The following CDC14B variants were observed in gnomAD, a reference collection of about 807,000 sequenced individuals.
CDC14B encodes cell division cycle 14B, also known as dual specificity protein phosphatase CDC14B.
In CDC14B, 22 loss-of-function variants were observed where a neutral mutation model predicts 64.2. The observed-to-expected ratio is 0.34, with a 90% CI of 0.24 to 0.49. The LOEUF is 0.49. Among genes scored for constraint, CDC14B ranks in the 20% least tolerant of loss-of-function variants. CDC14B has a pLI of 0.99. For synonymous variants in CDC14B, 191 were observed against 215.8 expected, an observed-to-expected ratio of 0.89 and a Z score of 1.01; for missense variants, 498 against 629.9, an observed-to-expected ratio of 0.79 and a Z score of 2.24.
At chr9:96,618,320 C>A (rs556917727) in intron 1 of CDC14B, among the ~76,000 whole-genome samples, 1 of 152,344 alleles carries the variant, frequency 6.6e-6, no homozygotes, top group East Asian at 1.9e-4. Context: ...CCCTCAAAAT[C>A]GTGGACAGCT....
intron 1 of CDC14B, chr9:96,618,692 G>A (rs1025114012): frequency 2.2e-6 from 1 of 461,752 alleles, no homozygotes; most frequent in Admixed American, 2.5e-5. Context: ...CTTACGCGCC[G>A]GACGGGCAAC....
chr9:96,619,321 G>A lies in CDC14B; in HGVS notation c.58C>T (p.Arg20Cys), dbSNP rs1847836968. Residue 20 changes from arginine to cysteine, a missense_variant, in exon 1 of 14, where the codon CGC becomes TGC. Transcript: ENST00000375241. ...SWAAAPPCSR[R>C]CSSTSPGVKK... The stretch of plus-strand genomic sequence containing the variant: ...ACACCCGGCGAGGTCGACGAGCAGC[G>A]CCGCGAGCAGGGGGGCGCGGCGGCC... 1 of 1,297,636 alleles carries A rather than the reference G, an allele frequency of 7.7e-7. No individual in the cohort carries two copies. Among genetic ancestry groups the A allele is most frequent in the South Asian group, 2.9e-5 (1 of 34,150 alleles). The allele number at this position is 1,297,636 out of a possible 1,614,324, so 80.4% of individuals were successfully genotyped here.
intron 1 of CDC14B, among the ~76,000 whole-genome samples, chr9:96,599,232 T>G (rs1429517167): frequency 6.6e-6 from 1 of 151,990 alleles, no homozygotes; most frequent in Non-Finnish European, 1.5e-5. Flanking sequence ...ATACAAAAAA[T>G]TAGCCAGGCA....
At chr9:96,614,348 T>C (rs1380170091) in intron 1 of CDC14B, among the ~76,000 whole-genome samples, 1 of 151,936 alleles carries the variant, frequency 6.6e-6, no homozygotes, top group Non-Finnish European at 1.5e-5. Flanking sequence ...CTCAAGTGAT[T>C]CTCCCACCTC....
intron 1 of CDC14B, chr9:96,566,924 C>T (rs1358744512): frequency 6.6e-7 from 1 of 1,525,194 alleles, no homozygotes; most frequent in East Asian, 2.5e-5. Flanking sequence ...TTTAAAGGGC[C>T]GCGCGGGGCA....
chr9:96,598,347 G>GT (rs941284518), intron 1 of CDC14B, among the ~76,000 whole-genome samples: 27 of 152,028 alleles, frequency 1.8e-4, no homozygotes, highest in African/African-American at 6.5e-4. Flanking sequence ...TTTGTTTTTT[G>GT]TTTTTTTGAG....
At position 96,523,377 on chromosome 9, in the gene CDC14B, T is replaced by C. The variant is rs746901783; in HGVS notation, c.1129A>G (p.Lys377Glu). 12 of 1,614,168 alleles carry C rather than the reference T, an allele frequency of 7.4e-6. No individual in the cohort carries two copies. The South Asian group carries it at 1.3e-4, about 18-fold the overall frequency. The change falls in exon 11 of 14, where the codon AAG becomes GAG. Residue 377 changes from lysine to glutamate, a missense_variant. Transcript: ENST00000375241. Reference protein sequence around the residue: ...LWLEGDYFRQKLKGQENGQHR... With the variant: ...LWLEGDYFRQELKGQENGQHR... ...TGTCCATTCTCCTGCCCCTTTAACTTCTGACGAAAATAGTCCCCTTCCAGC... is the reference window on the plus strand; with the variant it reads ...TGTCCATTCTCCTGCCCCTTTAACTCCTGACGAAAATAGTCCCCTTCCAGC...
At chr9:96,506,945 A>G (rs1047634491) in intron 13 of CDC14B, among the ~76,000 whole-genome samples, 1 of 152,230 alleles carries the variant, frequency 6.6e-6, no homozygotes, top group African/African-American at 2.4e-5. Flanking sequence ...TAAAAAGCAT[A>G]ATCTAAAAAA....
At position 96,502,619 on chromosome 9, in the gene CDC14B, C is replaced by T. The variant is rs770733243; in HGVS notation, c.*1134G>A. The T allele has an allele frequency of 1.5e-4, 49 of 322,572 alleles. No individual in the cohort carries two copies. The Middle Eastern group carries it at 2.4e-3, about 16-fold the overall frequency. The allele number at this position is 322,572 out of a possible 1,614,324, so 20.0% of individuals were successfully genotyped here. ...ATTTTTTTTTTTTTTTTTAGCAGCACATCAATTCTGTTTCTGTAACTGCTT... is the reference window on the plus strand; with the variant it reads ...ATTTTTTTTTTTTTTTTTAGCAGCATATCAATTCTGTTTCTGTAACTGCTT... On this transcript the variant is annotated 3_prime_UTR_variant, in exon 14 of 14. Coordinates refer to ENST00000375241, the MANE Select transcript of CDC14B (RefSeq NM_033331.4).
At chr9:96,514,204 GT>G (rs1260991822) in intron 12 of CDC14B, among the ~76,000 whole-genome samples, 2 of 152,166 alleles carry the variant, frequency 1.3e-5, no homozygotes, top group Admixed American at 1.3e-4. Context: ...TAGAGACCAT[GT>G]TTAAACTTAC....
At chr9:96,596,132 G>C (rs573877350) in intron 1 of CDC14B, among the ~76,000 whole-genome samples, 13 of 152,198 alleles carry the variant, frequency 8.5e-5, no homozygotes, top group African/African-American at 2.6e-4. Context: ...GGGAGGCTGA[G>C]GGGGGCAGAT....
intron 13 of CDC14B, among the ~76,000 whole-genome samples, chr9:96,508,698 T>TG (rs769808145): frequency 3.3e-5 from 5 of 152,136 alleles, no homozygotes; most frequent in Non-Finnish European, 5.9e-5. Flanking sequence ...AGAGGAGACA[T>TG]GGCAGAGCTG....
chr9:96,509,858 G>T, intron 12 of CDC14B, 69 bp from the exon 13 acceptor site: 1 of 991,586 alleles, frequency 1.0e-6, no homozygotes, highest in Non-Finnish European at 1.5e-6. Context: ...ACAGAGGAAA[G>T]TATTTTTGCA....
At chr9:96,527,127 C>T (rs959960305) in intron 9 of CDC14B, among the ~76,000 whole-genome samples, 6 of 152,192 alleles carry the variant, frequency 3.9e-5, no homozygotes, top group South Asian at 2.1e-4. Context: ...GTATTGGGGC[C>T]GGGTGCGGTG....
chr9:96,534,822 T>C (rs1839046717), intron 7 of CDC14B, among the ~76,000 whole-genome samples: 1 of 152,180 alleles, frequency 6.6e-6, no homozygotes, highest in African/African-American at 2.4e-5. Flanking sequence ...ATATACTATT[T>C]GGTTATTTTA....
chr9:96,493,655 C>G (rs1332029908), intron 13 of CDC14B, among the ~76,000 whole-genome samples: 1 of 152,098 alleles, frequency 6.6e-6, no homozygotes, highest in Non-Finnish European at 1.5e-5. Flanking sequence ...CACAGTAAGA[C>G]CATGTCTCTA....
rs778444829 is a variant in CDC14B, at chr9:96,523,357, A to G, written c.1149T>C (p.Asn383=). Residue 383 remains asparagine, a synonymous_variant, in exon 11 of 14, where the codon AAT becomes AAC. Coordinates refer to ENST00000375241, the MANE Select transcript of CDC14B (RefSeq NM_033331.4). ...YFRQKLKGQE[N]GQHRAAFSKL... ...TGGAGAAGGCTGCTCTGTGTTGTCC[A>G]TTCTCCTGCCCCTTTAACTTCTGAC... The G allele has an allele frequency of 1.4e-4, 227 of 1,614,024 alleles. 1 individual carries two copies. The highest frequency in any genetic ancestry group is 1.9e-5 in the Non-Finnish European group (23 of 1,180,014).
chr9:96,508,529 A>C (rs77895291), intron 13 of CDC14B, among the ~76,000 whole-genome samples: 2,009 of 152,352 alleles, frequency 0.013, 43 homozygotes, highest in African/African-American at 0.045. Context: ...AGAAGAATCA[A>C]ACAGTAAAGA....
Position 96,533,999 on chromosome 9 carries a change from T to C in CDC14B, c.874A>G (p.Thr292Ala). ...DLFFADGSTP[T>A]DAIVKEFLDI... is the part of the protein sequence containing the mutation. Reference sequence around the variant, plus strand: ...AGGAATTCTTTGACAATGGCATCAGTAGGGGTGCTGCCATCCGCAAAGAAA... The same window carrying C: ...AGGAATTCTTTGACAATGGCATCAGCAGGGGTGCTGCCATCCGCAAAGAAA... Residue 292 changes from threonine to alanine, a missense_variant, in exon 9 of 14, where the codon ACT becomes GCT. Coordinates refer to ENST00000375241, the MANE Select transcript of CDC14B (RefSeq NM_033331.4). 1 of 1,612,974 alleles carries C rather than the reference T, an allele frequency of 6.2e-7. No individual in the cohort carries two copies. The highest frequency in any genetic ancestry group is 8.5e-7 in the Non-Finnish European group (1 of 1,179,366).
Sources: gnomAD v4.1 joint callset for allele counts (sites outside exome capture counted in the v4.1 genomes callset) on GRCh38, gnomAD v4.1.1 for gene constraint, MANE v1.5 for transcripts, NCBI Gene and HGNC (gene_info 2026-07-23, HGNC 2026-07-21) for gene names.